Variants in CTNNA2 observed in about 807,000 individuals in gnomAD.
CTNNA2 encodes the protein catenin alpha-2.
A neutral mutation model predicts 101.0 loss-of-function variants in CTNNA2; 42 were observed. The ratio of observed to expected loss-of-function variants is 0.42; its 90% CI spans 0.32 to 0.54. CTNNA2 has a LOEUF of 0.54. Ranked by LOEUF, CTNNA2 falls within the 20% of genes least tolerant of loss-of-function variation. CTNNA2 has a pLI of 0.14. For synonymous variants in CTNNA2, 450 were observed against 456.4 expected, an observed-to-expected ratio of 0.99 and a Z score of 0.18; for missense variants, 871 against 1,223.1, an observed-to-expected ratio of 0.71 and a Z score of 4.29.
In CTNNA2 at chr2:80,545,062, C is replaced by T. The variant is rs758389836; in HGVS notation, c.1371C>T (p.Ser457=). Residue 457 remains serine, a synonymous_variant, in exon 10 of 19, where the codon AGC becomes AGT. Coordinates refer to ENST00000402739, the MANE Select transcript of CTNNA2 (RefSeq NM_001282597.3). ...LVRMAATQID[S]LCPQVINAAL... Reference sequence around the variant, plus strand: ...GGATGGCAGCCACCCAGATTGACAGCCTGTGTCCCCAGGTAAGCCTCATTC... The same window carrying T: ...GGATGGCAGCCACCCAGATTGACAGTCTGTGTCCCCAGGTAAGCCTCATTC... 6.8e-6 allele frequency: 11 copies of T among 1,613,840 alleles called. No individual in the cohort carries two copies. The South Asian group carries it at 7.7e-5, about 11-fold the overall frequency.
intron 7 of CTNNA2, among the ~76,000 whole-genome samples, chr2:80,310,972 CA>C (rs3040535): frequency 0.24 from 23,228 of 96,140 alleles, 1,759 homozygotes; most frequent in African/African-American, 0.31. Flanking sequence ...GACTCCATCT[CA>C]AAAAAAAAAA....
At chr2:80,143,268 A>G (rs1399994029) in intron 7 of CTNNA2, among the ~76,000 whole-genome samples, 2 of 152,154 alleles carry the variant, frequency 1.3e-5, no homozygotes, top group East Asian at 3.9e-4. Context: ...GGACATCAGA[A>G]TGACTTCTAT....
intron 7 of CTNNA2, among the ~76,000 whole-genome samples, chr2:80,029,770 C>T (rs1269367530): frequency 6.6e-6 from 1 of 151,414 alleles, no homozygotes; most frequent in Admixed American, 6.6e-5. Flanking sequence ...AGTGCATCAT[C>T]ATCTATCTCT....
intron 2 of CTNNA2, among the ~76,000 whole-genome samples, chr2:79,290,141 A>G (rs184752917): frequency 6.6e-6 from 1 of 152,304 alleles, no homozygotes. Flanking sequence ...TGTTACTATA[A>G]TCCAGGCCCT....
At chr2:79,977,893 A>T (rs548176540) in intron 7 of CTNNA2, among the ~76,000 whole-genome samples, 49 of 152,208 alleles carry the variant, frequency 3.2e-4, no homozygotes, top group African/African-American at 1.2e-3. Flanking sequence ...CTCATCTGTC[A>T]GCCTTTACTG....
At chr2:79,699,063 C>A (rs1049818414) in intron 2 of CTNNA2, among the ~76,000 whole-genome samples, 30 of 152,006 alleles carry the variant, frequency 2.0e-4, no homozygotes, top group Non-Finnish European at 4.4e-4. Context: ...TGATTTGGCT[C>A]AGTAACTTGA....
At chr2:79,699,572 T>A (rs1684856010) in intron 2 of CTNNA2, among the ~76,000 whole-genome samples, 1 of 151,922 alleles carries the variant, frequency 6.6e-6, no homozygotes, top group Non-Finnish European at 1.5e-5. Context: ...TATTCCCATA[T>A]GGATCCAACT....
intron 9 of CTNNA2, among the ~76,000 whole-genome samples, chr2:80,484,286 G>A (rs1031103941): frequency 3.9e-5 from 6 of 152,274 alleles, no homozygotes; most frequent in African/African-American, 1.4e-4. Flanking sequence ...ATCCAGACAT[G>A]TAGCAGATGT....
intron 4 of CTNNA2, among the ~76,000 whole-genome samples, chr2:79,459,276 C>T (rs1670853790): frequency 6.6e-6 from 1 of 151,992 alleles, no homozygotes; most frequent in South Asian, 2.1e-4. Context: ...ACTCATAGTT[C>T]TAGGAACAGA....
intron 1 of CTNNA2, among the ~76,000 whole-genome samples, chr2:79,540,752 AGATCTTTGATTCCGT>A (rs1401219883): frequency 6.6e-6 from 1 of 152,094 alleles, no homozygotes; most frequent in Non-Finnish European, 1.5e-5. Flanking sequence ...CATTTAAAAA[AGATCTTTGATTCCGT>A]GACTTTGCTT....
intron 3 of CTNNA2, among the ~76,000 whole-genome samples, chr2:79,763,460 G>GT (rs1672937205): frequency 6.6e-6 from 1 of 151,776 alleles, no homozygotes; most frequent in African/African-American, 2.4e-5. Flanking sequence ...TGATTTGTAT[G>GT]TTTTTTTCAC....
intron 7 of CTNNA2, chr2:80,288,523 G>T (rs905165479): frequency 1.3e-5 from 2 of 152,160 alleles, no homozygotes; most frequent in Non-Finnish European, 2.9e-5. Context: ...GCTTCAAACA[G>T]CTGGCAGTTG....
At chr2:79,971,330 TATC>T (rs1232487086) in intron 7 of CTNNA2, among the ~76,000 whole-genome samples, 4 of 152,216 alleles carry the variant, frequency 2.6e-5, no homozygotes, top group Non-Finnish European at 1.5e-5. Context: ...TCATCACTAT[TATC>T]ATCATATTTC....
chr2:80,514,959 G>T (rs1688998606), intron 9 of CTNNA2, among the ~76,000 whole-genome samples: 1 of 152,146 alleles, frequency 6.6e-6, no homozygotes, highest in African/African-American at 2.4e-5. Context: ...TGAAGGTGCG[G>T]TTTCATCAGG....
At chr2:79,885,657 C>A (rs1479072743) in intron 6 of CTNNA2, among the ~76,000 whole-genome samples, 1 of 152,202 alleles carries the variant, frequency 6.6e-6, no homozygotes, top group Non-Finnish European at 1.5e-5. Flanking sequence ...CATCTAGCAA[C>A]CCTCCATGTT....
At chr2:80,191,270 G>T (rs1706483268) in intron 7 of CTNNA2, among the ~76,000 whole-genome samples, 1 of 152,148 alleles carries the variant, frequency 6.6e-6, no homozygotes, top group Non-Finnish European at 1.5e-5. Context: ...ACAAACTTTG[G>T]TAAGATTTTA....
intron 4 of CTNNA2, among the ~76,000 whole-genome samples, chr2:79,464,344 T>C (rs554984874): frequency 6.6e-6 from 1 of 152,330 alleles, no homozygotes; most frequent in South Asian, 2.1e-4. Context: ...TAGTATTCCA[T>C]GGTGTATATA....
chr2:79,446,668 A>AT (rs1042971460), intron 4 of CTNNA2, among the ~76,000 whole-genome samples: 6 of 152,160 alleles, frequency 3.9e-5, no homozygotes, highest in Non-Finnish European at 7.4e-5. Flanking sequence ...TCAGCTTTCA[A>AT]TTCTCTAGGG....
intron 7 of CTNNA2, among the ~76,000 whole-genome samples, chr2:80,179,261 T>A (rs1705601723): frequency 6.6e-6 from 1 of 152,370 alleles, no homozygotes; most frequent in Non-Finnish European, 1.5e-5. Flanking sequence ...GTTAAACTTA[T>A]GATAATCCAC....
Sources: allele counts gnomAD v4.1 joint callset (sites outside exome capture counted in the v4.1 genomes callset), GRCh38; gene constraint gnomAD v4.1.1; transcripts MANE v1.5; gene names NCBI Gene and HGNC (gene_info 2026-07-23, HGNC 2026-07-21).